SLC2A13: variants seen among roughly 807,000 people sequenced by gnomAD.
The protein encoded by SLC2A13 is proton myo-inositol cotransporter.
SLC2A13 carries 32 observed loss-of-function variants against 64.4 expected under a neutral mutation model. The ratio of observed to expected loss-of-function variants is 0.50; its 90% CI spans 0.37 to 0.67. The LOEUF (loss-of-function observed/expected upper bound fraction) is 0.67, where lower values mean the gene tolerates loss of function less well. Ranked by LOEUF, SLC2A13 falls within the 30% of genes least tolerant of loss-of-function variation. SLC2A13 has a pLI of 0.00. For synonymous variants in SLC2A13, 338 were observed against 327.1 expected, an observed-to-expected ratio of 1.03 and a Z score of -0.36; for missense variants, 743 against 829.2, an observed-to-expected ratio of 0.90 and a Z score of 1.28.
At chr12:39,987,649 GT>G (rs1227801000) in intron 3 of SLC2A13, among the ~76,000 whole-genome samples, 1 of 151,914 alleles carries the variant, frequency 6.6e-6, no homozygotes, top group Non-Finnish European at 1.5e-5. Flanking sequence ...AAACCAAAAG[GT>G]TACTTGAAAA....
chr12:39,792,977 T>G (rs1197484092), intron 7 of SLC2A13, among the ~76,000 whole-genome samples: 1 of 152,170 alleles, frequency 6.6e-6, no homozygotes, highest in Non-Finnish European at 1.5e-5. Flanking sequence ...ACATTTTCCT[T>G]TATGCCCTGT....
intron 7 of SLC2A13, among the ~76,000 whole-genome samples, chr12:39,829,172 TGTTA>T (rs1942776369): frequency 6.6e-6 from 1 of 152,022 alleles, no homozygotes; most frequent in African/African-American, 2.4e-5. Flanking sequence ...TGGATATAAA[TGTTA>T]GTTCATAAAT....
Position 39,759,958 on chromosome 12 carries a change from G to T in SLC2A13, c.*68C>A. 2 of 1,188,180 alleles carry T rather than the reference G, an allele frequency of 1.7e-6. No individual in the cohort carries two copies. Among genetic ancestry groups the T allele is most frequent in the Non-Finnish European group, 2.5e-6 (2 of 810,230 alleles). The allele number at this position is 1,188,180 out of a possible 1,614,324, so 73.6% of individuals were successfully genotyped here. On this transcript the variant is annotated 3_prime_UTR_variant, in exon 10 of 10. Coordinates refer to ENST00000280871, the MANE Select transcript of SLC2A13 (RefSeq NM_052885.4). ...AGAACCAGATTAGAAGCAGGGCAGT[G>T]AAGTCACCAATTGCTGTTCTTCTCC...
chr12:39,790,125 TTC>T (rs1348834642), intron 7 of SLC2A13, among the ~76,000 whole-genome samples: 44 of 46,088 alleles, frequency 9.5e-4, no homozygotes, highest in African/African-American at 2.4e-3. Context: ...TTCTTTTGTG[TTC>T]TTTTTTTTTT....
chr12:40,058,070 TAG>T, intron 1 of SLC2A13, among the ~76,000 whole-genome samples: 1 of 150,834 alleles, frequency 6.6e-6, no homozygotes, highest in East Asian at 1.9e-4. Flanking sequence ...GATAGATAGA[TAG>T]ATAGATAGAT....
At chr12:39,969,615 T>C (rs573161656) in intron 3 of SLC2A13, among the ~76,000 whole-genome samples, 30 of 152,382 alleles carry the variant, frequency 2.0e-4, no homozygotes, top group African/African-American at 6.5e-4. Flanking sequence ...GAAGTGTCTG[T>C]TCATATCCTT....
At chr12:39,981,739 C>T (rs1342552590) in intron 3 of SLC2A13, among the ~76,000 whole-genome samples, 25 of 149,442 alleles carry the variant, frequency 1.7e-4, no homozygotes, top group Admixed American at 1.6e-3. Flanking sequence ...CCGAATTCTA[C>T]CAGAGGTACA....
Position 39,756,738 on chromosome 12 carries a change from G to T in SLC2A13, c.*3288C>A, listed in dbSNP as rs562141394. The T allele has an allele frequency of 2.0e-5, 3 of 151,742 alleles. No individual in the cohort carries two copies. The highest frequency in any genetic ancestry group is 7.2e-5 in the African/African-American group (3 of 41,524). The allele number at this position is 151,742 out of a possible 1,614,324, so 9.4% of individuals were successfully genotyped here. On this transcript the variant is annotated 3_prime_UTR_variant, in exon 10 of 10. Coordinates refer to ENST00000280871, the MANE Select transcript of SLC2A13 (RefSeq NM_052885.4). ...TATTTTTCCTGATCATTCTTCCCCT[G>T]TATAACAGATACTGAAATTACAGCA...
intron 7 of SLC2A13, among the ~76,000 whole-genome samples, chr12:39,827,138 C>T (rs1942714999): frequency 6.6e-6 from 1 of 151,930 alleles, no homozygotes; most frequent in East Asian, 2.0e-4. Flanking sequence ...CATGTGGATT[C>T]CTAACATGCC....
chr12:40,061,940 A>C (rs1428039018), intron 1 of SLC2A13, among the ~76,000 whole-genome samples: 1 of 152,116 alleles, frequency 6.6e-6, no homozygotes, highest in Non-Finnish European at 1.5e-5. Context: ...TACTATAATA[A>C]ACACAGTATA....
intron 6 of SLC2A13, among the ~76,000 whole-genome samples, chr12:39,845,423 T>G (rs183599896): frequency 3.9e-5 from 6 of 152,276 alleles, no homozygotes; most frequent in African/African-American, 1.4e-4. Context: ...TATCATATTA[T>G]AAGTGTTTCA....
chr12:39,783,923 C>A (rs1941090037), intron 7 of SLC2A13, among the ~76,000 whole-genome samples: 1 of 152,106 alleles, frequency 6.6e-6, no homozygotes, highest in African/African-American at 2.4e-5. Flanking sequence ...CATTCCTGTA[C>A]ACAAATAACA....
chr12:40,002,875 T>C (rs891580704), intron 3 of SLC2A13, among the ~76,000 whole-genome samples: 8 of 151,936 alleles, frequency 5.3e-5, no homozygotes, highest in African/African-American at 1.9e-4. Context: ...AGAAGGAACT[T>C]CATAAAGCTG....
chr12:39,834,876 T>C (rs1020346775), intron 6 of SLC2A13, among the ~76,000 whole-genome samples: 1 of 152,106 alleles, frequency 6.6e-6, no homozygotes, highest in Non-Finnish European at 1.5e-5. Context: ...ACTTTAAATA[T>C]CCTGGGGAAT....
At chr12:39,972,020 T>TATA (rs1210530678) in intron 3 of SLC2A13, among the ~76,000 whole-genome samples, 22,011 of 56,468 alleles carry the variant, frequency 0.39, 2,943 homozygotes, top group East Asian at 0.47. Flanking sequence ...ATATATTTTT[T>TATA]TTTATATAAA....
intron 1 of SLC2A13, among the ~76,000 whole-genome samples, chr12:40,076,988 A>C (rs1381643892): frequency 2.6e-5 from 4 of 151,784 alleles, no homozygotes; most frequent in Admixed American, 6.6e-5. Flanking sequence ...TCCTTTGCCC[A>C]TTTTTTACTG....
intron 4 of SLC2A13, among the ~76,000 whole-genome samples, chr12:39,889,938 T>C (rs1339145021): frequency 6.6e-6 from 1 of 152,190 alleles, no homozygotes; most frequent in Non-Finnish European, 1.5e-5. Context: ...CTTTGTATCT[T>C]CATCAGCTTC....
intron 2 of SLC2A13, among the ~76,000 whole-genome samples, chr12:40,042,787 T>C (rs761615385): frequency 6.6e-6 from 1 of 151,784 alleles, no homozygotes; most frequent in Non-Finnish European, 1.5e-5. Flanking sequence ...AAGCAAGTAG[T>C]TGAATATAAT....
At chr12:39,872,476 AT>A (rs1944082886) in intron 4 of SLC2A13, among the ~76,000 whole-genome samples, 3 of 152,212 alleles carry the variant, frequency 2.0e-5, no homozygotes, top group Non-Finnish European at 4.4e-5. Context: ...TGTATCTAGC[AT>A]TGTGTAAAAA....
Sources: gnomAD v4.1 joint callset for allele counts (sites outside exome capture counted in the v4.1 genomes callset) on GRCh38, gnomAD v4.1.1 for gene constraint, MANE v1.5 for transcripts, NCBI Gene and HGNC (gene_info 2026-07-23, HGNC 2026-07-21) for gene names.